HPSE2: variants seen among roughly 807,000 people sequenced by gnomAD.
The protein encoded by HPSE2 is heparanase 2 (inactive), also known as inactive heparanase-2.
Under a neutral mutation model 60.5 loss-of-function variants are expected in HPSE2, and 38 were observed. The ratio of observed to expected loss-of-function variants is 0.63; its 90% CI spans 0.48 to 0.82. The LOEUF (loss-of-function observed/expected upper bound fraction) is 0.82. HPSE2 is among the 40% of genes least tolerant of loss of function. The pLI is 0.00. For missense variants in HPSE2, 713 were observed against 740.4 expected (o/e 0.96, Z 0.43); for synonymous variants, 295 against 293.2 (o/e 1.01, Z -0.06).
chr10:99,210,432 T>G (rs1848916874), intron 2 of HPSE2, among the ~76,000 whole-genome samples: 1 of 152,158 alleles, frequency 6.6e-6, no homozygotes, highest in South Asian at 2.1e-4. Flanking sequence ...AGACCAGAAT[T>G]ACCTTGATAC....
intron 3 of HPSE2, among the ~76,000 whole-genome samples, chr10:99,006,013 C>T (rs1208358271): frequency 2.0e-5 from 3 of 152,096 alleles, no homozygotes; most frequent in African/African-American, 4.8e-5. Flanking sequence ...TTGATTGGTT[C>T]CTCAGGAGGA....
chr10:99,031,582 G>T (rs1332535051), intron 3 of HPSE2, among the ~76,000 whole-genome samples: 1 of 152,146 alleles, frequency 6.6e-6, no homozygotes, highest in Non-Finnish European at 1.5e-5. Context: ...TTTGAGCCTG[G>T]ATTTTTAAAA....
the HPSE2 span, among the ~76,000 whole-genome samples, chr10:99,280,288 T>C: frequency 6.6e-6 from 1 of 152,268 alleles, no homozygotes; most frequent in South Asian, 2.1e-4. Flanking sequence ...AAGGATTCAG[T>C]ATGGGTAATA....
intron 2 of HPSE2, among the ~76,000 whole-genome samples, chr10:99,179,852 C>T (rs1266573174): frequency 2.0e-5 from 3 of 151,960 alleles, no homozygotes; most frequent in Non-Finnish European, 4.4e-5. Context: ...CACTACTTGA[C>T]TTCAAACTAT....
Position 98,593,286 on chromosome 10 carries a change from T to C in HPSE2, c.1320+21618A>G, listed in dbSNP as rs773765842. 2.0e-5 allele frequency among the ~76,000 whole-genome samples: 3 copies of C among 152,100 alleles called. No homozygotes were observed. The South Asian group carries it at 6.2e-4, about 32-fold the overall frequency. ...TGCACTTAGGAATTACTGAGTATGT[T>C]GTGGGTAATTAAGAGTAGGTGGCTA... On this transcript the variant is annotated intron_variant, in intron 9 of 11. Transcript: ENST00000370552.
chr10:98,944,890 A>G (rs1377147537), intron 3 of HPSE2, among the ~76,000 whole-genome samples: 1 of 152,176 alleles, frequency 6.6e-6, no homozygotes, highest in Non-Finnish European at 1.5e-5. Flanking sequence ...TTGAAAGCCA[A>G]GGACCTTACT....
chr10:99,096,104 T>A (rs549934103), intron 3 of HPSE2, among the ~76,000 whole-genome samples: 2 of 152,196 alleles, frequency 1.3e-5, no homozygotes, highest in Non-Finnish European at 2.9e-5. Flanking sequence ...AAAGTTCATA[T>A]ATTCCTTTTC....
the HPSE2 span, among the ~76,000 whole-genome samples, chr10:99,255,236 G>A: frequency 2.6e-5 from 4 of 152,024 alleles, no homozygotes; most frequent in Non-Finnish European, 5.9e-5. Flanking sequence ...TCTTATATTT[G>A]TTTATTTTAA....
At position 98,806,919 on chromosome 10, in the gene HPSE2, G is replaced by A. The variant is rs554717627; in HGVS notation, c.611-62863C>T. Reference sequence around the variant, plus strand: ...AGCACTTTGGGAGGCCGAGGCAGGCGAATCACGAGGTCAGGAGTTCGAGAC... The same window carrying A: ...AGCACTTTGGGAGGCCGAGGCAGGCAAATCACGAGGTCAGGAGTTCGAGAC... On this transcript the variant is annotated intron_variant, in intron 3 of 11. Coordinates refer to ENST00000370552, the MANE Select transcript of HPSE2 (RefSeq NM_021828.5). 2.2e-4 allele frequency among the ~76,000 whole-genome samples: 34 copies of A among 152,210 alleles called. No individual in the cohort carries two copies. In the East Asian group the frequency reaches 2.3e-3, roughly 10 times the overall value.
chr10:98,457,106 T>C lies in HPSE2; in HGVS notation c.*2468A>G, dbSNP rs529354276. ...TTTCAGTAATTCCCTCTTCCTTTTA[T>C]TAACTAAAAAATAAACAAAACTTAA... On this transcript the variant is annotated 3_prime_UTR_variant, in exon 12 of 12. Coordinates refer to ENST00000370552, the MANE Select transcript of HPSE2 (RefSeq NM_021828.5). 4 of 152,372 alleles carry C rather than the reference T, an allele frequency of 2.6e-5. No individual in the cohort carries two copies. The highest frequency in any genetic ancestry group is 5.9e-5 in the Non-Finnish European group (4 of 68,032). 9.4% of individuals were successfully genotyped at this position (152,372 alleles called of 1,614,324 possible). A position where few individuals can be genotyped will look rare whatever the true frequency, so the allele number is the denominator to read the frequency against.
At chr10:98,527,965 T>G (rs543206320) in intron 9 of HPSE2, among the ~76,000 whole-genome samples, 1 of 152,200 alleles carries the variant, frequency 6.6e-6, no homozygotes, top group African/African-American at 2.4e-5. Flanking sequence ...AGCCCCCAAG[T>G]TGCTGATCTG....
intron 5 of HPSE2, among the ~76,000 whole-genome samples, chr10:98,714,429 G>A (rs923555347): frequency 6.6e-6 from 1 of 151,752 alleles, no homozygotes; most frequent in African/African-American, 2.4e-5. Context: ...ATTGATTTGT[G>A]ACATTTAATA....
At chr10:99,221,859 A>C (rs1564904265) in intron 2 of HPSE2, among the ~76,000 whole-genome samples, 1 of 152,074 alleles carries the variant, frequency 6.6e-6, no homozygotes. Flanking sequence ...AAAGCTCAAA[A>C]ACTTGAGCTA....
At chr10:99,112,130 C>G (rs546726108) in intron 3 of HPSE2, among the ~76,000 whole-genome samples, 1 of 152,124 alleles carries the variant, frequency 6.6e-6, no homozygotes, top group Non-Finnish European at 1.5e-5. Flanking sequence ...AGAATACATG[C>G]GAAGCAAATG....
chr10:99,014,612 A>G (rs1012009177), intron 3 of HPSE2, among the ~76,000 whole-genome samples: 3 of 152,172 alleles, frequency 2.0e-5, no homozygotes, highest in Admixed American at 6.5e-5. Flanking sequence ...CCTCACCAGC[A>G]TATGTTATTT....
intron 3 of HPSE2, among the ~76,000 whole-genome samples, chr10:98,991,950 A>G (rs1244034476): frequency 2.0e-5 from 3 of 152,184 alleles, no homozygotes; most frequent in African/African-American, 7.2e-5. Context: ...CTAGGTTTCA[A>G]TCACCATTTT....
At chr10:98,573,183 G>A (rs747097411) in intron 9 of HPSE2, among the ~76,000 whole-genome samples, 8 of 152,120 alleles carry the variant, frequency 5.3e-5, no homozygotes, top group Non-Finnish European at 1.2e-4. Flanking sequence ...TATATACTAG[G>A]CATTCAATAA....
chr10:98,950,885 T>C (rs1460359193), intron 3 of HPSE2, among the ~76,000 whole-genome samples: 2 of 152,210 alleles, frequency 1.3e-5, no homozygotes, highest in African/African-American at 4.8e-5. Context: ...GCAAGACTCA[T>C]CCACCCCATC....
chr10:98,462,309 G>A (rs1940327933), intron 11 of HPSE2, among the ~76,000 whole-genome samples: 1 of 152,118 alleles, frequency 6.6e-6, no homozygotes, highest in Non-Finnish European at 1.5e-5. Flanking sequence ...CTCCCGAGTA[G>A]CTGGGACTAC....
Sources: allele counts gnomAD v4.1 joint callset (sites outside exome capture counted in the v4.1 genomes callset), GRCh38; gene constraint gnomAD v4.1.1; transcripts MANE v1.5; gene names NCBI Gene and HGNC (gene_info 2026-07-23, HGNC 2026-07-21).